The following BCHE variants were observed in gnomAD, a reference collection of about 807,000 sequenced individuals.
BCHE encodes the protein cholinesterase.
In BCHE, 48 loss-of-function variants were observed where a neutral mutation model predicts 51.3. That is an observed-to-expected ratio of 0.94 (90% CI 0.74 to 1.19). The LOEUF (loss-of-function observed/expected upper bound fraction) is 1.19. Among genes scored for constraint, BCHE ranks in the 50% most tolerant of loss-of-function variants. The pLI is 0.00. For synonymous variants in BCHE, 251 were observed against 238.0 expected, an observed-to-expected ratio of 1.05 and a Z score of -0.50; for missense variants, 847 against 708.2, an observed-to-expected ratio of 1.20 and a Z score of -2.23.
chr3:165,822,334 A>G (rs1019095734), intron 2 of BCHE, among the ~76,000 whole-genome samples: 1 of 152,066 alleles, frequency 6.6e-6, no homozygotes, highest in African/African-American at 2.4e-5. Context: ...AGGAAATTAA[A>G]CAATTGTACT....
At position 165,830,882 on chromosome 3, in the gene BCHE, C is replaced by T; in HGVS notation, c.152G>A (p.Gly51Asp). 1 of 1,613,890 alleles carries T rather than the reference C, an allele frequency of 6.2e-7. No individual in the cohort carries two copies. Among genetic ancestry groups the T allele is most frequent in the South Asian group, 1.1e-5 (1 of 91,080 alleles). ...AATTCCAAGAAAGGCTGTTACCGTGCCACCAAAAACTGTCAAGTTCATCCC... is the reference window on the plus strand; with the variant it reads ...AATTCCAAGAAAGGCTGTTACCGTGTCACCAAAAACTGTCAAGTTCATCCC... ...VRGMNLTVFG[G>D]TVTAFLGIPY... The change falls in exon 2 of 4, where the codon GGC becomes GAC. Residue 51 changes from glycine to aspartate, a missense_variant. Coordinates refer to ENST00000264381, the MANE Select transcript of BCHE (RefSeq NM_000055.4).
intron 3 of BCHE, chr3:165,778,343 T>C (rs1712552167): frequency 6.5e-6 from 1 of 154,802 alleles, no homozygotes; most frequent in Non-Finnish European, 1.4e-5. Flanking sequence ...GAAATTATTA[T>C]GTTGATGCCA....
At chr3:165,835,131 A>G (rs936178956) in intron 1 of BCHE, among the ~76,000 whole-genome samples, 7 of 151,870 alleles carry the variant, frequency 4.6e-5, no homozygotes, top group African/African-American at 1.7e-4. Flanking sequence ...AAGAAAATTT[A>G]CTGGCAATTT....
At chr3:165,818,796 A>G (rs1197280152) in intron 2 of BCHE, among the ~76,000 whole-genome samples, 1 of 152,138 alleles carries the variant, frequency 6.6e-6, no homozygotes, top group African/African-American at 2.4e-5. Context: ...TGCATCTACA[A>G]TAAAATACAT....
At chr3:165,806,604 T>C (rs369620959) in intron 2 of BCHE, among the ~76,000 whole-genome samples, 1 of 152,168 alleles carries the variant, frequency 6.6e-6, no homozygotes, top group Admixed American at 6.5e-5. Flanking sequence ...TAGTAAATCA[T>C]ACAGATGTGA....
chr3:165,837,124 A>C (rs942016921), intron 1 of BCHE, among the ~76,000 whole-genome samples, 190 bp downstream of exon 1: 1 of 152,154 alleles, frequency 6.6e-6, no homozygotes, highest in Non-Finnish European at 1.5e-5. Context: ...CGTTCCCTGA[A>C]TAATAGGAAG....
chr3:165,826,081 G>T (rs1436200918), intron 2 of BCHE, among the ~76,000 whole-genome samples: 1 of 151,884 alleles, frequency 6.6e-6, no homozygotes, highest in Non-Finnish European at 1.5e-5. Context: ...AAGGAAAATA[G>T]TTGAACAGTT....
At chr3:165,826,772 A>G (rs1560021320) in intron 2 of BCHE, among the ~76,000 whole-genome samples, 1 of 152,144 alleles carries the variant, frequency 6.6e-6, no homozygotes, top group Admixed American at 6.6e-5. Flanking sequence ...TACTTCCTTA[A>G]TAAGACATTT....
At chr3:165,789,431 C>T (rs781477843) in intron 2 of BCHE, among the ~76,000 whole-genome samples, 1 of 151,690 alleles carries the variant, frequency 6.6e-6, no homozygotes, top group Non-Finnish European at 1.5e-5. Flanking sequence ...TTCAGGATGC[C>T]CTGATATGAA....
At chr3:165,810,382 G>A (rs1176933727) in intron 2 of BCHE, among the ~76,000 whole-genome samples, 1 of 152,166 alleles carries the variant, frequency 6.6e-6, no homozygotes, top group Non-Finnish European at 1.5e-5. Context: ...TGGTGTTCCA[G>A]AAGAATGCAG....
chr3:165,777,245 T>C (rs923387757), intron 3 of BCHE, among the ~76,000 whole-genome samples: 2 of 151,946 alleles, frequency 1.3e-5, no homozygotes, highest in African/African-American at 2.4e-5. Flanking sequence ...AATAAGGACA[T>C]TGAGGACCTT....
chr3:165,795,452 A>C (rs1713339952), intron 2 of BCHE, among the ~76,000 whole-genome samples: 1 of 152,146 alleles, frequency 6.6e-6, no homozygotes, highest in Non-Finnish European at 1.5e-5. Flanking sequence ...TACCAAAGCA[A>C]TGTGAACTGT....
chr3:165,829,609 A>C lies in BCHE; in HGVS notation c.1425T>G (p.Gly475=). 6.2e-7 allele frequency: 1 copy of C among 1,613,804 alleles called. No homozygotes were observed. Among genetic ancestry groups the C allele is most frequent in the Non-Finnish European group, 8.5e-7 (1 of 1,179,846 alleles). The part of the protein sequence containing the change: ...MHGYEIEFVF[G]LPLERRDNYT... ...AATTATCTCTTCTTTCCAGAGGTAA[A>C]CCAAAGACAAATTCAATTTCATAGC... The change falls in exon 2 of 4, where the codon GGT becomes GGG. Residue 475 remains glycine, a synonymous_variant. Coordinates refer to ENST00000264381, the MANE Select transcript of BCHE (RefSeq NM_000055.4).
intron 2 of BCHE, among the ~76,000 whole-genome samples, chr3:165,814,048 A>T (rs1032990833): frequency 1.3e-5 from 2 of 152,032 alleles, no homozygotes; most frequent in Non-Finnish European, 2.9e-5. Context: ...CAATGATTTC[A>T]TTATAATAAA....
In BCHE at chr3:165,773,130, G is replaced by A. The variant is rs868606986; in HGVS notation, c.*252C>T. 9.8e-6 allele frequency: 3 copies of A among 307,144 alleles called. No individual in the cohort carries two copies. The highest frequency in any genetic ancestry group is 1.8e-5 in the Non-Finnish European group (3 of 168,662). 19.0% of individuals were successfully genotyped at this position (307,144 alleles called of 1,614,324 possible). Reference sequence around the variant, plus strand: ...TAAGGAAAGAAAGAAATTGAACCAGGCCATTGTTTTAATATGCACATAATT... The same window carrying A: ...TAAGGAAAGAAAGAAATTGAACCAGACCATTGTTTTAATATGCACATAATT... On this transcript the variant is annotated 3_prime_UTR_variant, in exon 4 of 4. Transcript: ENST00000264381.
chr3:165,803,692 T>C (rs780002012), intron 2 of BCHE, among the ~76,000 whole-genome samples: 41 of 152,326 alleles, frequency 2.7e-4, no homozygotes, highest in Non-Finnish European at 4.6e-4. Flanking sequence ...ATGATCAATA[T>C]TGACCTTGAA....
At chr3:165,782,059 T>C (rs951766496) in intron 3 of BCHE, among the ~76,000 whole-genome samples, 3 of 152,102 alleles carry the variant, frequency 2.0e-5, no homozygotes, top group Non-Finnish European at 4.4e-5. Flanking sequence ...AGCATATTAA[T>C]AGGACATAAA....
intron 1 of BCHE, among the ~76,000 whole-genome samples, chr3:165,833,476 A>G (rs531743945): frequency 6.6e-6 from 1 of 152,266 alleles, no homozygotes; most frequent in South Asian, 2.1e-4. Flanking sequence ...GAAAATGGTA[A>G]CTGTATGTGT....
chr3:165,835,310 A>G (rs777521764), intron 1 of BCHE, among the ~76,000 whole-genome samples: 1 of 151,896 alleles, frequency 6.6e-6, no homozygotes, highest in Non-Finnish European at 1.5e-5. Flanking sequence ...AATAATTTGT[A>G]TAAAGAGCTA....
Sources: allele counts gnomAD v4.1 joint callset (sites outside exome capture counted in the v4.1 genomes callset), GRCh38; gene constraint gnomAD v4.1.1; transcripts MANE v1.5; gene names NCBI Gene and HGNC (gene_info 2026-07-23, HGNC 2026-07-21).